Variants in NCOA2 observed in about 807,000 individuals in gnomAD.
NCOA2 encodes the protein class E basic helix-loop-helix protein 75.
A neutral mutation model predicts 145.1 loss-of-function variants in NCOA2; 21 were observed. The observed-to-expected ratio is 0.14, with a 90% CI of 0.10 to 0.21. The LOEUF (loss-of-function observed/expected upper bound fraction) is 0.21, where lower values mean the gene tolerates loss of function less well. Ranked by LOEUF, NCOA2 falls within the 10% of genes least tolerant of loss-of-function variation. NCOA2 has a pLI of 1.00. For synonymous variants in NCOA2, 619 were observed against 637.5 expected (o/e 0.97, Z 0.44); for missense variants, 1,472 against 1,837.6 (o/e 0.80, Z 3.64).
rs187705535 is a variant in NCOA2 at position 70,138,296 on chromosome 8, T to C, written c.3065A>G (p.Gln1022Arg). 1 of 1,613,280 alleles carries C rather than the reference T, an allele frequency of 6.2e-7. No individual in the cohort carries two copies. Among genetic ancestry groups the C allele is most frequent in the Non-Finnish European group, 8.5e-7 (1 of 1,179,576 alleles). Residue 1022 changes from glutamine (Q) to arginine (R), a missense_variant, in exon 15 of 23, where the codon CAG becomes CGG. This residue lies in a region of NCOA2 where 953 missense variants were observed against 1,062.1 expected (regional missense o/e 0.90). Transcript: ENST00000452400. Reference protein sequence around the residue: ...SELEMNMGGPQYSQQQAPPNQ... With the variant: ...SELEMNMGGPRYSQQQAPPNQ... ...TGGAGGAGCTTGTTGTTGGCTATACTGAGGTCCCCCCATGTTCATCTCTAA... is the reference window on the plus strand; with the variant it reads ...TGGAGGAGCTTGTTGTTGGCTATACCGAGGTCCCCCCATGTTCATCTCTAA...
chr8:70,408,270 C>T (rs114753206), upstream of NCOA2, among the ~76,000 whole-genome samples: 276 of 152,180 alleles, frequency 1.8e-3, 1 homozygote, highest in African/African-American at 6.2e-3. Flanking sequence ...ATATAGTGTA[C>T]GTACAAAATT....
intron 2 of NCOA2, among the ~76,000 whole-genome samples, chr8:70,231,522 G>T (rs570179293): frequency 6.6e-6 from 1 of 152,332 alleles, no homozygotes; most frequent in South Asian, 2.1e-4. Flanking sequence ...CTCCGCCCCA[G>T]ACCAACTAAA....
the NCOA2 span, among the ~76,000 whole-genome samples, chr8:70,425,306 A>G: frequency 6.6e-6 from 1 of 151,828 alleles, no homozygotes; most frequent in South Asian, 2.1e-4. Flanking sequence ...AAACATTTCA[A>G]TAGTTTTTGG....
rs757717440 is a variant in NCOA2 at position 70,128,917 on chromosome 8, C to A, written c.3388G>T (p.Ala1130Ser). Residue 1130 changes from alanine (A) to serine (S), a missense_variant, in exon 17 of 23, where the codon GCG (alanine) becomes TCG (serine). Transcript: ENST00000452400. ...QDSNIMLEQK[A>S]PVFPQQYASQ... Reference sequence around the variant, plus strand: ...GCATACTGCTGTGGGAAAACGGGCGCCTTCTGCTCCAGCATGATGTTGGAA... The same window carrying A: ...GCATACTGCTGTGGGAAAACGGGCGACTTCTGCTCCAGCATGATGTTGGAA... The A allele has an allele frequency of 6.2e-7, 1 of 1,612,406 alleles. No individual in the cohort carries two copies. Among genetic ancestry groups the A allele is most frequent in the South Asian group, 1.1e-5 (1 of 90,730 alleles).
intron 7 of NCOA2, among the ~76,000 whole-genome samples, 189 bp downstream of exon 7, chr8:70,166,377 T>C (rs1431824234): frequency 6.6e-6 from 1 of 152,314 alleles, no homozygotes; most frequent in South Asian, 2.1e-4. Flanking sequence ...ACTTCCACCA[T>C]TGCAGATAAT....
intron 2 of NCOA2, among the ~76,000 whole-genome samples, chr8:70,238,227 T>C (rs889569104): frequency 6.6e-6 from 1 of 152,136 alleles, no homozygotes; most frequent in Non-Finnish European, 1.5e-5. Flanking sequence ...ACACCACATG[T>C]GTTAAAGGAA....
Position 70,353,352 on chromosome 8 carries a change from T to A in NCOA2, c.-77+50348A>T, listed in dbSNP as rs528065365. Among the ~76,000 whole-genome samples the A allele has an allele frequency of 1.5e-4, 23 of 151,042 alleles. No homozygotes were observed. The South Asian group carries it at 4.9e-3, about 32-fold the overall frequency. On this transcript the variant is annotated intron_variant, in intron 1 of 22. Coordinates refer to ENST00000452400, the MANE Select transcript of NCOA2 (RefSeq NM_006540.4). ...GAAGGCTCAACTTCCCAGGCTCAAATGATCTTCCCACCTCAGCCTCCCAAA... is the reference window on the plus strand; with the variant it reads ...GAAGGCTCAACTTCCCAGGCTCAAAAGATCTTCCCACCTCAGCCTCCCAAA...
chr8:70,329,581 G>A (rs1325681075), intron 1 of NCOA2, among the ~76,000 whole-genome samples: 1 of 152,062 alleles, frequency 6.6e-6, no homozygotes, highest in African/African-American at 2.4e-5. Context: ...CCCAAGAGAT[G>A]TGAGGGCTCA....
In NCOA2 at chr8:70,157,146, C is replaced by A. The variant is rs61754970; in HGVS notation, c.1219G>T (p.Ala407Ser). ...PISSNSPAHQ[A>S]LCSGNPGQDM... is the part of the protein sequence containing the mutation. ...TGACCTGGGTTCCCACTGCACAGGG[C>A]CTGATGGGCAGGGCTGTTAGAGCTA... The change falls in exon 11 of 23, where the codon GCC (alanine) becomes TCC (serine). Residue 407 changes from alanine (A) to serine (S), a missense_variant. Physicochemically the swap from Ala to Ser is moderately conservative, Grantham distance 99 (BLOSUM62 1). Around this residue, in one of 4 missense-constraint regions of NCOA2, gnomAD observed 953 missense variants for 1,062.1 expected, o/e 0.90. Transcript: ENST00000452400. 1,007 of 1,612,714 alleles carry A rather than the reference C, an allele frequency of 6.2e-4. 7 individuals are homozygous for A. In the African/African-American group the frequency reaches 0.013, roughly 20 times the overall value.
intron 2 of NCOA2, among the ~76,000 whole-genome samples, chr8:70,241,137 C>T (rs1466716434): frequency 6.6e-6 from 1 of 152,210 alleles, no homozygotes. Context: ...TTTGGATTCT[C>T]TGTGGTTTTT....
At chr8:70,408,798 T>C (rs1176122723), upstream of NCOA2, among the ~76,000 whole-genome samples, 1 of 151,492 alleles carries the variant, frequency 6.6e-6, no homozygotes, top group Non-Finnish European at 1.5e-5. Flanking sequence ...TTTTGGATTT[T>C]TTTTTTTTTG....
the NCOA2 span, among the ~76,000 whole-genome samples, chr8:70,446,510 G>T: frequency 8.2e-4 from 125 of 152,094 alleles, no homozygotes; most frequent in African/African-American, 2.9e-3. Flanking sequence ...TATAGTTTTG[G>T]ACTATATCTC....
intron 14 of NCOA2, 37 bp from the exon 15 acceptor site, chr8:70,138,369 T>C: frequency 6.4e-7 from 1 of 1,552,346 alleles, no homozygotes. Context: ...ACATCTTTAA[T>C]CAAGGAAGCA....
intron 2 of NCOA2, among the ~76,000 whole-genome samples, chr8:70,220,993 C>T (rs1332892723): frequency 6.6e-6 from 1 of 152,112 alleles, no homozygotes; most frequent in Non-Finnish European, 1.5e-5. Context: ...TGAAATTCCC[C>T]AAGTTAGAAA....
chr8:70,152,971 G>A (rs1040297525), intron 11 of NCOA2, among the ~76,000 whole-genome samples: 1 of 152,192 alleles, frequency 6.6e-6, no homozygotes, highest in African/African-American at 2.4e-5. Flanking sequence ...CAATCAATAG[G>A]AGATACAATT....
intron 5 of NCOA2, among the ~76,000 whole-genome samples, chr8:70,170,929 T>C (rs1443087130): frequency 6.6e-6 from 1 of 152,182 alleles, no homozygotes; most frequent in African/African-American, 2.4e-5. Flanking sequence ...TAAAGAAACA[T>C]CAATCCTTTA....
chr8:70,174,494 AAATGCTC>A (rs1814610302), intron 5 of NCOA2, among the ~76,000 whole-genome samples: 1 of 152,196 alleles, frequency 6.6e-6, no homozygotes, highest in Non-Finnish European at 1.5e-5. Context: ...TTTCTCAAAT[AAATGCTC>A]AACTGGCAAT....
At chr8:70,186,496 T>C (rs1016070917) in intron 4 of NCOA2, among the ~76,000 whole-genome samples, 2 of 152,206 alleles carry the variant, frequency 1.3e-5, no homozygotes, top group African/African-American at 4.8e-5. Context: ...AAAGCTGTTA[T>C]GAAGTATTCA....
intron 1 of NCOA2, among the ~76,000 whole-genome samples, chr8:70,302,140 A>G (rs1466406090): frequency 1.3e-5 from 2 of 152,178 alleles, no homozygotes; most frequent in African/African-American, 4.8e-5. Context: ...AGATTATTGA[A>G]CATGATATTG....
Sources: allele counts gnomAD v4.1 joint callset (sites outside exome capture counted in the v4.1 genomes callset), GRCh38; gene constraint gnomAD v4.1.1; regional missense constraint gnomAD v4.1.1; transcripts MANE v1.5; gene names NCBI Gene and HGNC (gene_info 2026-07-23, HGNC 2026-07-21).